The following SLC13A3 variants were observed in gnomAD, a reference collection of about 807,000 sequenced individuals.
The protein encoded by SLC13A3 is Na(+)/dicarboxylate cotransporter 3.
A neutral mutation model predicts 59.0 loss-of-function variants in SLC13A3; 40 were observed. The observed-to-expected ratio is 0.68, with a 90% CI of 0.53 to 0.88. The LOEUF is 0.88. Ranked by LOEUF, SLC13A3 falls within the 40% of genes least tolerant of loss-of-function variation. The pLI is 0.00. For synonymous variants in SLC13A3, 317 were observed against 330.3 expected (o/e 0.96, Z 0.44); for missense variants, 699 against 783.2 (o/e 0.89, Z 1.28).
At chr20:46,652,547 ATTTTTTTTTT>A (rs11471373), upstream of SLC13A3, among the ~76,000 whole-genome samples, 2 of 117,796 alleles carry the variant, frequency 1.7e-5, no homozygotes, top group Non-Finnish European at 3.7e-5. Flanking sequence ...TATCTGGCTA[ATTTTTTTTTT>A]TTTTTTTTTT....
At chr20:46,604,531 T>C (rs1458894779) in intron 3 of SLC13A3, among the ~76,000 whole-genome samples, 4 of 152,182 alleles carry the variant, frequency 2.6e-5, no homozygotes, top group African/African-American at 9.7e-5. Context: ...CACAGCCATG[T>C]GGACATTCCT....
Position 46,563,531 on chromosome 20 carries a change from G to T in SLC13A3, c.1515C>A (p.His505Gln), listed in dbSNP as rs1390690289. 2.5e-6 allele frequency: 4 copies of T among 1,613,846 alleles called. No homozygotes were observed. Among genetic ancestry groups the T allele is most frequent in the East Asian group, 2.2e-5 (1 of 44,858 alleles). Residue 505 changes from histidine to glutamine, a missense_variant, in exon 12 of 13, where the codon CAC becomes CAA. Transcript: ENST00000279027. ...LAELAIRLRV[H>Q]PLYLMIPGTV... ...TGCCCGGAATCATCAGATACAGGGGGTGCACTCTCAGGCGGATGGCCTGGG... is the reference window on the plus strand; with the variant it reads ...TGCCCGGAATCATCAGATACAGGGGTTGCACTCTCAGGCGGATGGCCTGGG...
intron 12 of SLC13A3, among the ~76,000 whole-genome samples, chr20:46,561,451 C>T (rs1321646772): frequency 6.6e-6 from 1 of 152,184 alleles, no homozygotes; most frequent in South Asian, 2.1e-4. Context: ...CAGCACTTCT[C>T]TGCTCCTGTC....
intron 8 of SLC13A3, chr20:46,584,234 G>A: frequency 6.1e-6 from 6 of 985,398 alleles, no homozygotes; most frequent in Non-Finnish European, 7.2e-6. Flanking sequence ...CATTTCAGGT[G>A]GAGAATCAGA....
chr20:46,620,377 A>G (rs2062602502), intron 1 of SLC13A3, among the ~76,000 whole-genome samples: 1 of 152,248 alleles, frequency 6.6e-6, no homozygotes, highest in African/African-American at 2.4e-5. Context: ...ATAAACTCAT[A>G]CTAACTTATT....
At chr20:46,588,370 G>A (rs557899615) in intron 7 of SLC13A3, among the ~76,000 whole-genome samples, 21 of 151,962 alleles carry the variant, frequency 1.4e-4, no homozygotes, top group Non-Finnish European at 1.8e-4. Flanking sequence ...GGACTTCCAC[G>A]ATCCCTCAGG....
chr20:46,607,120 T>A (rs1364174002), intron 3 of SLC13A3, among the ~76,000 whole-genome samples: 1 of 152,218 alleles, frequency 6.6e-6, no homozygotes, highest in Non-Finnish European at 1.5e-5. Flanking sequence ...GGGCAAATCA[T>A]TTTGCTTCTC....
At chr20:46,573,607 A>G (rs1048065381) in intron 10 of SLC13A3, among the ~76,000 whole-genome samples, 7 of 152,198 alleles carry the variant, frequency 4.6e-5, no homozygotes, top group Non-Finnish European at 8.8e-5. Flanking sequence ...GTGTACATGC[A>G]GTTTTTAGCA....
At chr20:46,588,235 C>G (rs2062214592) in intron 7 of SLC13A3, 72 bp from the exon 8 acceptor site, 3 of 892,872 alleles carry the variant, frequency 3.4e-6, no homozygotes, top group Non-Finnish European at 5.3e-6. Flanking sequence ...CAGGCTCAGG[C>G]AGCTGCCCAC....
At position 46,560,137 on chromosome 20, in the gene SLC13A3, G is replaced by A; in HGVS notation, c.1694C>T (p.Thr565Ile). The A allele has an allele frequency of 6.2e-7, 1 of 1,614,110 alleles. No homozygotes were observed. ...GVLLLSLAMNTWAQTIFQLGT... is the reference protein window; with the variant it reads ...GVLLLSLAMNIWAQTIFQLGT... Reference sequence around the variant, plus strand: ...CAGCTGGAAGATGGTCTGTGCCCAGGTATTCATAGCCAAACTGAGCAGCAG... The same window carrying A: ...CAGCTGGAAGATGGTCTGTGCCCAGATATTCATAGCCAAACTGAGCAGCAG... Residue 565 changes from threonine to isoleucine, a missense_variant, in exon 13 of 13, where the codon ACC (threonine) becomes ATC (isoleucine). Coordinates refer to ENST00000279027, the MANE Select transcript of SLC13A3 (RefSeq NM_022829.6).
chr20:46,591,921 A>G (rs1342652007), intron 6 of SLC13A3, among the ~76,000 whole-genome samples: 2 of 152,138 alleles, frequency 1.3e-5, no homozygotes, highest in Admixed American at 1.3e-4. Context: ...AGAAATGAGG[A>G]TATGGCTAGC....
intron 1 of SLC13A3, among the ~76,000 whole-genome samples, chr20:46,621,971 A>T (rs1177891902): frequency 2.0e-5 from 3 of 152,206 alleles, no homozygotes; most frequent in African/African-American, 4.8e-5. Flanking sequence ...CTCCATGGAA[A>T]ATAGGGTGGT....
Position 46,563,544 on chromosome 20 carries a change from C to T in SLC13A3, c.1502G>A (p.Arg501His), listed in dbSNP as rs540486781. The T allele has an allele frequency of 4.3e-6, 7 of 1,613,270 alleles. No homozygotes were observed. Among genetic ancestry groups the T allele is most frequent in the East Asian group, 2.2e-5 (1 of 44,820 alleles). Residue 501 changes from arginine (R) to histidine (H), a missense_variant, in exon 12 of 13, where the codon CGC becomes CAC. Coordinates refer to ENST00000279027, the MANE Select transcript of SLC13A3 (RefSeq NM_022829.6). The part of the protein sequence containing the change: ...FLPVLAELAI[R>H]LRVHPLYLMI... ...CAGATACAGGGGGTGCACTCTCAGG[C>T]GGATGGCCTGGGCCAGGAAAAGGTG...
chr20:46,615,000 T>C (rs78707970), intron 1 of SLC13A3, among the ~76,000 whole-genome samples: 6,221 of 152,296 alleles, frequency 0.041, 437 homozygotes, highest in African/African-American at 0.14. Context: ...GGTAGCTACA[T>C]TGGTGTGCAC....
chr20:46,574,434 G>A (rs997105652), intron 10 of SLC13A3, among the ~76,000 whole-genome samples: 7 of 152,304 alleles, frequency 4.6e-5, no homozygotes, highest in African/African-American at 1.7e-4. Flanking sequence ...GGATGCTGAC[G>A]TTGCACTGCC....
chr20:46,613,455 C>A lies in SLC13A3; in HGVS notation c.377+5G>T. 1 of 1,578,708 alleles carries A rather than the reference C, an allele frequency of 6.3e-7. No homozygotes were observed. The highest frequency in any genetic ancestry group is 1.2e-5 in the South Asian group (1 of 83,468). On this transcript the variant is annotated splice_donor_5th_base_variant and intron_variant, in intron 2 of 12. Coordinates refer to ENST00000279027, the MANE Select transcript of SLC13A3 (RefSeq NM_022829.6). ...TGTAGGGCTGGAACCATTACCTGTT[C>A]TTACCTGGCCGGCTGGACTCCAACA... is the stretch of plus-strand genomic sequence containing the variant.
intron 1 of SLC13A3, among the ~76,000 whole-genome samples, chr20:46,628,107 T>C (rs2062695783): frequency 6.6e-6 from 1 of 152,138 alleles, no homozygotes; most frequent in African/African-American, 2.4e-5. Flanking sequence ...TTCTGTGTGT[T>C]TGCAAAATAG....
intron 3 of SLC13A3, among the ~76,000 whole-genome samples, chr20:46,609,779 G>C (rs1347920232): frequency 1.3e-5 from 2 of 152,130 alleles, no homozygotes; most frequent in Non-Finnish European, 2.9e-5. Context: ...GCCTGTACTA[G>C]CAATAAAGTG....
At chr20:46,582,023 C>T (rs865891677) in intron 9 of SLC13A3, among the ~76,000 whole-genome samples, 3 of 152,204 alleles carry the variant, frequency 2.0e-5, no homozygotes, top group East Asian at 1.9e-4. Context: ...CATGGTGGCT[C>T]ATACCTGTAG....
Sources: gnomAD v4.1 joint callset for allele counts (sites outside exome capture counted in the v4.1 genomes callset) on GRCh38, gnomAD v4.1.1 for gene constraint, MANE v1.5 for transcripts, NCBI Gene and HGNC (gene_info 2026-07-23, HGNC 2026-07-21) for gene names.